Variants in LYST observed in about 807,000 individuals in gnomAD.
LYST encodes lysosomal-trafficking regulator.
A neutral mutation model predicts 413.6 loss-of-function variants in LYST; 192 were observed. The ratio of observed to expected loss-of-function variants is 0.46; its 90% CI spans 0.41 to 0.52. The LOEUF (loss-of-function observed/expected upper bound fraction) is 0.52, where lower values mean the gene tolerates loss of function less well. LYST is among the 20% of genes least tolerant of loss of function. The pLI, the probability that LYST is intolerant of heterozygous loss-of-function variation, is 0.00. For synonymous variants in LYST, 1,525 were observed against 1,567.3 expected (o/e 0.97, Z 0.64); for missense variants, 3,815 against 4,499.9 (o/e 0.85, Z 4.35).
Position 235,845,791 on chromosome 1 carries a change from A to C in LYST, c.-97-12124T>G, listed in dbSNP as rs915826354. On this transcript the variant is annotated intron_variant, in intron 1 of 52. Coordinates refer to ENST00000389793, the MANE Select transcript of LYST (RefSeq NM_000081.4). ...CCTCCTAAGTACACAACTCCAGTAA[A>C]CTGGGAATCTCACCCCCAATTCCCC... is the stretch of plus-strand genomic sequence containing the variant. 5.4e-4 allele frequency among the ~76,000 whole-genome samples: 82 copies of C among 152,116 alleles called. 1 individual carries two copies. Among genetic ancestry groups the C allele is most frequent in the African/African-American group, 1.9e-3 (80 of 41,494 alleles).
chr1:235,697,369 A>G, intron 45 of LYST, 97 bp from the exon 46 acceptor site: 1 of 872,130 alleles, frequency 1.1e-6, no homozygotes, highest in East Asian at 2.6e-5. Context: ...AGAAAGTAAT[A>G]TGGATTATAA....
intron 28 of LYST, among the ~76,000 whole-genome samples, chr1:235,750,572 G>GTA (rs1666387131): frequency 6.6e-6 from 1 of 152,120 alleles, no homozygotes; most frequent in Non-Finnish European, 1.5e-5. Flanking sequence ...TATCCACTAT[G>GTA]TATATATATG....
intron 50 of LYST, among the ~76,000 whole-genome samples, chr1:235,666,258 AC>A (rs1658451601): frequency 1.3e-5 from 2 of 149,124 alleles, no homozygotes; most frequent in African/African-American, 2.5e-5. Flanking sequence ...ACACACACAC[AC>A]ACACACACAC....
chr1:235,818,342 A>G (rs112938240), intron 3 of LYST, among the ~76,000 whole-genome samples: 2,495 of 152,184 alleles, frequency 0.016, 30 homozygotes, highest in Non-Finnish European at 0.027. Flanking sequence ...TCCCAAACAT[A>G]CTTCTCAGTC....
chr1:235,848,736 C>G (rs191474959), intron 1 of LYST, among the ~76,000 whole-genome samples: 1 of 151,984 alleles, frequency 6.6e-6, no homozygotes, highest in Non-Finnish European at 1.5e-5. Context: ...TCATTCAAGG[C>G]TACTACGAAT....
chr1:235,689,047 C>CAACAACAACAACAAT (rs1553265863), intron 47 of LYST, among the ~76,000 whole-genome samples: 10 of 141,458 alleles, frequency 7.1e-5, no homozygotes, highest in African/African-American at 2.6e-4. Context: ...ACAACAACAA[C>CAACAACAACAACAAT]AATAATATCC....
chr1:235,663,219 C>T lies in LYST; in HGVS notation c.11268-141G>A. On this transcript the variant is annotated intron_variant, in intron 52 of 52. Transcript: ENST00000389793. ...ATAAACTAAATGACTGCCTACAACT[C>T]ATTGGTTTTGACTGTAATTCTAACA... 2.9e-6 allele frequency: 2 copies of T among 685,156 alleles called. 1 individual carries two copies. The highest frequency in any genetic ancestry group is 3.2e-5 in the South Asian group (2 of 62,928). The allele number at this position is 685,156 out of a possible 1,614,324, so 42.4% of individuals were successfully genotyped here.
chr1:235,816,257 T>C (rs1232638293), intron 3 of LYST, among the ~76,000 whole-genome samples: 1 of 143,844 alleles, frequency 7.0e-6, no homozygotes, highest in Non-Finnish European at 1.5e-5. Context: ...CTGGCAAACA[T>C]GGTGAAACTC....
chr1:235,784,528 C>A (rs1419082208), intron 14 of LYST, among the ~76,000 whole-genome samples: 3 of 152,202 alleles, frequency 2.0e-5, no homozygotes, highest in South Asian at 2.1e-4. Context: ...AAAGCATGGG[C>A]CCTCCCTAGG....
At chr1:235,777,338 GACA>G (rs1669377720) in intron 16 of LYST, 30 bp from the exon 17 acceptor site, 7 of 1,600,438 alleles carry the variant, frequency 4.4e-6, no homozygotes, top group South Asian at 1.1e-5. Flanking sequence ...ATTCAGTAAT[GACA>G]ACAAGTTTAA....
chr1:235,785,425 T>C (rs1670317686), intron 14 of LYST, among the ~76,000 whole-genome samples: 1 of 152,194 alleles, frequency 6.6e-6, no homozygotes, highest in Admixed American at 6.5e-5. Context: ...CTAATTAATA[T>C]ATCAAGTGCT....
intron 29 of LYST, 122 bp downstream of exon 29, chr1:235,746,214 A>C (rs1665911210): frequency 1.3e-6 from 1 of 789,184 alleles, no homozygotes; most frequent in African/African-American, 1.7e-5. Flanking sequence ...TCTTAATACT[A>C]TGGATGTTAA....
intron 3 of LYST, among the ~76,000 whole-genome samples, chr1:235,823,023 C>A (rs2102962045): frequency 6.6e-6 from 1 of 152,302 alleles, no homozygotes; most frequent in South Asian, 2.1e-4. Flanking sequence ...TGAGCCATGC[C>A]AGAACTGCCA....
intron 1 of LYST, among the ~76,000 whole-genome samples, chr1:235,846,158 T>A (rs1339111296): frequency 6.6e-6 from 1 of 152,138 alleles, no homozygotes; most frequent in Non-Finnish European, 1.5e-5. Flanking sequence ...GGCGCTGGTA[T>A]CCATGGCTGA....
intron 16 of LYST, among the ~76,000 whole-genome samples, chr1:235,777,791 G>A (rs1202403644): frequency 6.6e-6 from 1 of 152,090 alleles, no homozygotes; most frequent in African/African-American, 2.4e-5. Context: ...ATTGTCAACA[G>A]TCAGCACACC....
chr1:235,806,627 G>T lies in LYST; in HGVS notation c.2509C>A (p.Pro837Thr). The change falls in exon 6 of 53, where the codon CCA (proline) becomes ACA (threonine). Residue 837 changes from proline (P) to threonine (T), a missense_variant. Coordinates refer to ENST00000389793, the MANE Select transcript of LYST (RefSeq NM_000081.4). ...TCAATGTCTATCCCATCAATATCTG[G>T]AACTGAGGCATCTTTCTGTTGCTCC... is the stretch of plus-strand genomic sequence containing the variant. ...LGEQQKDASVPDIDGIDIEQK... is the reference protein window; with the variant it reads ...LGEQQKDASVTDIDGIDIEQK... 1 of 1,614,006 alleles carries T rather than the reference G, an allele frequency of 6.2e-7. No homozygotes were observed. The highest frequency in any genetic ancestry group is 8.5e-7 in the Non-Finnish European group (1 of 1,179,962).
At chr1:235,750,553 A>C (rs867537449) in intron 28 of LYST, among the ~76,000 whole-genome samples, 4 of 152,190 alleles carry the variant, frequency 2.6e-5, no homozygotes, top group African/African-American at 7.2e-5. Flanking sequence ...GCATGTGTAC[A>C]TGCATATTTA....
At chr1:235,871,019 T>G (rs2103226344), upstream of LYST, among the ~76,000 whole-genome samples, 1 of 152,354 alleles carries the variant, frequency 6.6e-6, no homozygotes, top group Admixed American at 6.5e-5. Flanking sequence ...TGCATTTGAC[T>G]AAAGACCTGC....
intron 10 of LYST, among the ~76,000 whole-genome samples, chr1:235,799,853 G>A (rs1302213708): frequency 7.1e-6 from 1 of 141,032 alleles, no homozygotes; most frequent in Non-Finnish European, 1.5e-5. Flanking sequence ...TTCATTGTGT[G>A]GATCTGAGGA....
Sources: allele counts gnomAD v4.1 joint callset (sites outside exome capture counted in the v4.1 genomes callset), GRCh38; gene constraint gnomAD v4.1.1; transcripts MANE v1.5; gene names NCBI Gene and HGNC (gene_info 2026-07-23, HGNC 2026-07-21).